Variants in KAZN observed in about 807,000 individuals in gnomAD.
KAZN encodes kazrin, periplakin interacting protein.
KAZN carries 40 observed loss-of-function variants against 87.4 expected under a neutral mutation model. The observed-to-expected ratio is 0.46, with a 90% CI of 0.36 to 0.60. The LOEUF (loss-of-function observed/expected upper bound fraction) is 0.60, where lower values mean the gene tolerates loss of function less well. KAZN is among the 20% of genes least tolerant of loss of function. The pLI is 0.00. For missense variants in KAZN, 898 were observed against 1,073.9 expected (o/e 0.84, Z 2.29); for synonymous variants, 466 against 458.3 (o/e 1.02, Z -0.22).
At chr1:13,999,033 A>G (rs530135150) in intron 1 of KAZN, among the ~76,000 whole-genome samples, 29 of 152,340 alleles carry the variant, frequency 1.9e-4, no homozygotes, top group African/African-American at 7.0e-4. Flanking sequence ...ACCACAGTGC[A>G]ATCAAATTAG....
chr1:14,474,428 G>A (rs1166010851), intron 2 of KAZN, among the ~76,000 whole-genome samples: 1 of 152,154 alleles, frequency 6.6e-6, no homozygotes, highest in African/African-American at 2.4e-5. Flanking sequence ...TAATGAGAAA[G>A]AAGGAGCTAT....
At chr1:14,315,542 C>G (rs1655595507) in intron 2 of KAZN, among the ~76,000 whole-genome samples, 1 of 151,988 alleles carries the variant, frequency 6.6e-6, no homozygotes, top group Non-Finnish European at 1.5e-5. Context: ...CATGCCCTTC[C>G]TTTGTTTATA....
intron 1 of KAZN, among the ~76,000 whole-genome samples, chr1:13,929,483 T>G (rs7538374): frequency 0.11 from 17,149 of 152,182 alleles, 1,075 homozygotes; most frequent in African/African-American, 0.15. Flanking sequence ...CATCCATCAT[T>G]GCGACACCTT....
intron 2 of KAZN, among the ~76,000 whole-genome samples, chr1:14,561,419 G>A (rs1040688032): frequency 6.6e-6 from 1 of 152,172 alleles, no homozygotes; most frequent in African/African-American, 2.4e-5. Context: ...ATGATTGAAA[G>A]GCTTGTTTCC....
intron 1 of KAZN, among the ~76,000 whole-genome samples, chr1:14,068,670 T>A (rs935035174): frequency 6.6e-6 from 1 of 152,238 alleles, no homozygotes; most frequent in Non-Finnish European, 1.5e-5. Flanking sequence ...GGGGCTTTCA[T>A]TGCCCTTGCA....
intron 1 of KAZN, among the ~76,000 whole-genome samples, chr1:14,110,469 G>T (rs1400838461): frequency 6.6e-6 from 1 of 152,182 alleles, no homozygotes; most frequent in Non-Finnish European, 1.5e-5. Context: ...GCCTGTATGG[G>T]TGTGACCCAT....
At chr1:14,475,048 T>TTGGA (rs766433668) in intron 2 of KAZN, among the ~76,000 whole-genome samples, 6 of 151,620 alleles carry the variant, frequency 4.0e-5, no homozygotes, top group East Asian at 1.9e-4. Context: ...TAGATGGATA[T>TTGGA]TGGATGGATG....
At chr1:14,646,884 G>A (rs1025272327) in intron 1 of KAZN, among the ~76,000 whole-genome samples, 14 of 152,258 alleles carry the variant, frequency 9.2e-5, no homozygotes, top group African/African-American at 2.9e-4. Flanking sequence ...GAATTAGCAC[G>A]GTGTAAGCTG....
At chr1:14,231,764 T>C (rs1647873103) in intron 2 of KAZN, among the ~76,000 whole-genome samples, 1 of 152,230 alleles carries the variant, frequency 6.6e-6, no homozygotes, top group South Asian at 2.1e-4. Flanking sequence ...TGCTAGCTAC[T>C]ATAATAGATA....
chr1:14,374,924 A>G (rs893405973), intron 2 of KAZN, among the ~76,000 whole-genome samples: 1 of 152,198 alleles, frequency 6.6e-6, no homozygotes, highest in South Asian at 2.1e-4. Context: ...CACAAGTCCT[A>G]TTGAGCTCGT....
intron 2 of KAZN, among the ~76,000 whole-genome samples, chr1:14,227,899 C>A (rs1399387862): frequency 6.6e-6 from 1 of 152,154 alleles, no homozygotes; most frequent in Non-Finnish European, 1.5e-5. Context: ...CGTTCAGCAG[C>A]ATCTTTGAAA....
intron 1 of KAZN, among the ~76,000 whole-genome samples, chr1:13,999,185 T>G (rs574883693): frequency 6.6e-6 from 1 of 151,896 alleles, no homozygotes; most frequent in East Asian, 1.9e-4. Flanking sequence ...CCATCTCTGC[T>G]AAAAATAGAA....
At chr1:14,722,799 G>A (rs777727050) in intron 1 of KAZN, among the ~76,000 whole-genome samples, 5 of 152,054 alleles carry the variant, frequency 3.3e-5, no homozygotes, top group African/African-American at 4.8e-5. Context: ...CTGTTCCTAC[G>A]TGAGTTTGAA....
At chr1:14,612,307 C>T (rs693191) in intron 1 of KAZN, among the ~76,000 whole-genome samples, 19,975 of 152,128 alleles carry the variant, frequency 0.13, 3,068 homozygotes, top group African/African-American at 0.38. Flanking sequence ...CCAAGACCCG[C>T]GCTCTAACCC....
intron 2 of KAZN, among the ~76,000 whole-genome samples, chr1:14,235,680 ATTCT>A (rs773615442): frequency 1.8e-4 from 28 of 152,248 alleles, no homozygotes; most frequent in Non-Finnish European, 2.5e-4. Flanking sequence ...ACATAGTGAC[ATTCT>A]TTCTAAGACT....
At chr1:14,374,527 C>T (rs1179090764) in intron 2 of KAZN, among the ~76,000 whole-genome samples, 1 of 152,174 alleles carries the variant, frequency 6.6e-6, no homozygotes, top group Non-Finnish European at 1.5e-5. Flanking sequence ...ATCCATTATG[C>T]TAAATAACGA....
chr1:14,372,652 C>A (rs72869042), intron 2 of KAZN, among the ~76,000 whole-genome samples: 7,927 of 152,302 alleles, frequency 0.052, 338 homozygotes, highest in South Asian at 0.2. Flanking sequence ...ATTCAGTCAG[C>A]ATCCCTTCTT....
At chr1:13,923,098 T>C (rs1216298563) in intron 1 of KAZN, among the ~76,000 whole-genome samples, 3 of 152,080 alleles carry the variant, frequency 2.0e-5, no homozygotes. Context: ...TGGACAAAAA[T>C]CCATGTATAA....
intron 1 of KAZN, among the ~76,000 whole-genome samples, chr1:14,789,974 C>A (rs1311663557): frequency 1.3e-5 from 2 of 151,702 alleles, no homozygotes; most frequent in African/African-American, 4.8e-5. Flanking sequence ...GTCACCATAT[C>A]TTGGCATTCC....
Sources: allele counts gnomAD v4.1 joint callset (sites outside exome capture counted in the v4.1 genomes callset), GRCh38; gene constraint gnomAD v4.1.1; transcripts MANE v1.5; gene names NCBI Gene and HGNC (gene_info 2026-07-23, HGNC 2026-07-21).